ABCC1: variants seen among roughly 807,000 people sequenced by gnomAD.
ABCC1 encodes the protein multidrug resistance-associated protein 1.
In ABCC1, 83 loss-of-function variants were observed where a neutral mutation model predicts 172.9. The ratio of observed to expected loss-of-function variants is 0.48; its 90% CI spans 0.40 to 0.58. The LOEUF (loss-of-function observed/expected upper bound fraction) is 0.58. Among genes scored for constraint, ABCC1 ranks in the 20% least tolerant of loss-of-function variants. The pLI, the probability that ABCC1 is intolerant of heterozygous loss-of-function variation, is 0.00. For missense variants in ABCC1, 1,817 were observed against 2,002.7 expected, an observed-to-expected ratio of 0.91 and a Z score of 1.77; for synonymous variants, 937 against 825.2, an observed-to-expected ratio of 1.14 and a Z score of -2.32.
intron 18 of ABCC1, among the ~76,000 whole-genome samples, chr16:16,089,526 C>T (rs528685254): frequency 1.3e-4 from 20 of 149,752 alleles, no homozygotes; most frequent in South Asian, 6.4e-4. Context: ...CCAGCCTGGG[C>T]GACAGAGCGA....
intron 12 of ABCC1, among the ~76,000 whole-genome samples, chr16:16,067,146 A>C (rs2050142545): frequency 6.6e-6 from 1 of 152,064 alleles, no homozygotes; most frequent in Admixed American, 6.6e-5. Flanking sequence ...GCTACTCGGG[A>C]GGCTGAGGTG....
chr16:16,037,597 T>A (rs933263463), intron 7 of ABCC1, among the ~76,000 whole-genome samples: 1 of 151,978 alleles, frequency 6.6e-6, no homozygotes, highest in Admixed American at 6.6e-5. Context: ...GCCATGGGGG[T>A]AGTAGAATGG....
Position 16,141,290 on chromosome 16 carries a change from G to T in ABCC1, c.*9G>T. 1 of 1,613,522 alleles carries T rather than the reference G, an allele frequency of 6.2e-7. No homozygotes were observed. ...ACGCCGGCTTGGTGTGAGCCCCAGA[G>T]CTGGCATATCTGGTCAGAACTGCAG... On this transcript the variant is annotated 3_prime_UTR_variant, in exon 31 of 31. Coordinates refer to ENST00000399410, the MANE Select transcript of ABCC1 (RefSeq NM_004996.4).
intron 1 of ABCC1, among the ~76,000 whole-genome samples, chr16:15,952,719 A>T (rs1398288032): frequency 9.2e-5 from 1 of 10,910 alleles, no homozygotes; most frequent in Non-Finnish European, 2.3e-3. Context: ...AGTTCATTAA[A>T]AAAAAAAAAA....
chr16:16,116,721 A>C (rs2044889822), intron 23 of ABCC1, among the ~76,000 whole-genome samples: 1 of 152,002 alleles, frequency 6.6e-6, no homozygotes. Context: ...CGCCACACCC[A>C]GCTAGTTTTT....
intron 22 of ABCC1, among the ~76,000 whole-genome samples, chr16:16,114,344 A>C (rs865931777): frequency 6.9e-6 from 1 of 145,794 alleles, no homozygotes; most frequent in South Asian, 2.2e-4. Flanking sequence ...TATTATTACT[A>C]TTTTTTTTTT....
chr16:16,119,725 A>G (rs1223438957), intron 23 of ABCC1, among the ~76,000 whole-genome samples: 1 of 152,152 alleles, frequency 6.6e-6, no homozygotes, highest in Non-Finnish European at 1.5e-5. Flanking sequence ...ACAAATATTC[A>G]TCTCAGGTTA....
intron 29 of ABCC1, among the ~76,000 whole-genome samples, chr16:16,137,545 CTTTTTTTT>C (rs151237296): frequency 1.0e-3 from 57 of 56,676 alleles, no homozygotes; most frequent in African/African-American, 1.4e-3. Flanking sequence ...GGTATGAGGC[CTTTTTTTT>C]TTTTTTTTTT....
rs773075512 is a variant in ABCC1 at position 16,076,371 on chromosome 16, G to T, written c.1958G>T (p.Trp653Leu). 1 of 1,611,690 alleles carries T rather than the reference G, an allele frequency of 6.2e-7. No homozygotes were observed. Among genetic ancestry groups the T allele is most frequent in the Non-Finnish European group, 8.5e-7 (1 of 1,179,046 alleles). Residue 653 changes from tryptophan to leucine, a missense_variant, in exon 15 of 31, where the codon TGG becomes TTG. By Grantham distance (61) the Trp-to-Leu change is moderately conservative. Around this residue, in one of 3 missense-constraint regions of ABCC1, gnomAD observed 1,412 missense variants for 1,600.3 expected, o/e 0.88. Transcript: ENST00000399410. ...SITVRNATFTWARSDPPTLNG... is the reference protein window; with the variant it reads ...SITVRNATFTLARSDPPTLNG... ...ACCGTGAGGAATGCCACATTCACCT[G>T]GGCCAGGAGCGACCCTCCCACACTG...
Position 16,033,005 on chromosome 16 carries a change from G to T in ABCC1, c.616-104G>T, listed in dbSNP as rs140410039. 12 of 1,132,820 alleles carry T rather than the reference G, an allele frequency of 1.1e-5. No homozygotes were observed. In the African/African-American group the frequency reaches 1.5e-4, roughly 14 times the overall value. The allele number at this position is 1,132,820 out of a possible 1,614,324, so 70.2% of individuals were successfully genotyped here. Reference sequence around the variant, plus strand: ...GTGTGGAGCTGACGCTAGTCCTCTGGAAGGAAGAGTGAGCAGCTGACTACT... The same window carrying T: ...GTGTGGAGCTGACGCTAGTCCTCTGTAAGGAAGAGTGAGCAGCTGACTACT... On this transcript the variant is annotated intron_variant, in intron 5 of 30. Transcript: ENST00000399410.
chr16:16,053,356 T>C (rs45535831), intron 11 of ABCC1, among the ~76,000 whole-genome samples: 21,038 of 152,084 alleles, frequency 0.14, 1,539 homozygotes, highest in Admixed American at 0.16. Context: ...TGGGCTTAAG[T>C]GATCCTGTTG....
intron 21 of ABCC1, among the ~76,000 whole-genome samples, chr16:16,110,594 A>G (rs8048428): frequency 0.35 from 53,635 of 151,728 alleles, 10,347 homozygotes; most frequent in African/African-American, 0.5. Context: ...TCGCCATGTT[A>G]GTCAGGCTGG....
chr16:16,132,510 GTTTTTTTTTTTTT>G (rs71137915), intron 27 of ABCC1, among the ~76,000 whole-genome samples: 15 of 37,296 alleles, frequency 4.0e-4, no homozygotes, highest in East Asian at 8.0e-4. Flanking sequence ...TTGGTTGGTT[GTTTTTTTTTTTTT>G]TTTTTTTTTT....
intron 14 of ABCC1, among the ~76,000 whole-genome samples, chr16:16,074,432 C>T (rs1195538650): frequency 6.6e-6 from 1 of 152,198 alleles, no homozygotes; most frequent in Non-Finnish European, 1.5e-5. Context: ...TCTCTGCTAA[C>T]CACAGGCTGA....
intron 1 of ABCC1, among the ~76,000 whole-genome samples, chr16:15,985,355 A>G (rs2046719614): frequency 6.6e-6 from 1 of 152,114 alleles, no homozygotes; most frequent in Non-Finnish European, 1.5e-5. Context: ...GTGAACAAGC[A>G]TTACTCAGCA....
chr16:16,101,077 G>C (rs376351869), intron 19 of ABCC1, among the ~76,000 whole-genome samples: 1 of 151,394 alleles, frequency 6.6e-6, no homozygotes, highest in East Asian at 1.9e-4. Context: ...TGTCACCCAG[G>C]CTGGAGTGTG....
At position 16,036,609 on chromosome 16, in the gene ABCC1, TG is replaced by T. The variant is rs780836422; in HGVS notation, c.809+7del. The T allele has an allele frequency of 1.4e-5, 23 of 1,613,232 alleles. No homozygotes were observed. In the South Asian group the frequency reaches 2.4e-4, roughly 17 times the overall value. ...GAATGCGCCAAGACTAGGAAGTAAG[TG>T]TGAGTTTCCTTGTCCTCCAGGATGC... On this transcript the variant is annotated splice_region_variant and intron_variant, in intron 7 of 30. Transcript: ENST00000399410.
chr16:16,093,388 T>TA (rs1238747054), intron 19 of ABCC1, among the ~76,000 whole-genome samples: 2 of 150,690 alleles, frequency 1.3e-5, no homozygotes, highest in Non-Finnish European at 3.0e-5. Flanking sequence ...CACCCCCGCC[T>TA]TTCTTTCCCA....
intron 27 of ABCC1, among the ~76,000 whole-genome samples, chr16:16,133,278 G>A (rs369409351): frequency 1.4e-4 from 22 of 152,246 alleles, no homozygotes; most frequent in African/African-American, 4.1e-4. Context: ...CTGTTCCTAC[G>A]TACCTCCCAC....
Sources: allele counts gnomAD v4.1 joint callset (sites outside exome capture counted in the v4.1 genomes callset), GRCh38; gene constraint gnomAD v4.1.1; regional missense constraint gnomAD v4.1.1; transcripts MANE v1.5; gene names NCBI Gene and HGNC (gene_info 2026-07-23, HGNC 2026-07-21).